TMEM135: variants seen among roughly 807,000 people sequenced by gnomAD.
TMEM135 encodes peroxisomal membrane protein 52.
A neutral mutation model predicts 60.3 loss-of-function variants in TMEM135; 30 were observed. The observed-to-expected ratio is 0.50, with a 90% CI of 0.37 to 0.68. TMEM135 has a LOEUF of 0.68. TMEM135 is among the 30% of genes least tolerant of loss of function. TMEM135 has a pLI of 0.00. For missense variants in TMEM135, 468 were observed against 548.8 expected, an observed-to-expected ratio of 0.85 and a Z score of 1.47; for synonymous variants, 190 against 186.7, an observed-to-expected ratio of 1.02 and a Z score of -0.14.
chr11:87,287,569 C>T (rs999208672), intron 6 of TMEM135, among the ~76,000 whole-genome samples: 5 of 152,158 alleles, frequency 3.3e-5, no homozygotes, highest in East Asian at 1.9e-4. Flanking sequence ...CCCAGCTAGT[C>T]GGGAAGCTGA....
intron 14 of TMEM135, 68 bp from the exon 15 acceptor site, chr11:87,321,133 A>C (rs1297947858): frequency 1.9e-5 from 27 of 1,406,082 alleles, no homozygotes; most frequent in Non-Finnish European, 2.5e-5. Flanking sequence ...AAGATAAGTC[A>C]ACTAAAATGA....
chr11:87,221,018 G>A (rs1940607580), intron 5 of TMEM135, among the ~76,000 whole-genome samples: 1 of 152,098 alleles, frequency 6.6e-6, no homozygotes, highest in South Asian at 2.1e-4. Context: ...CTAAAAAAAA[G>A]ACTGGAAACA....
At chr11:87,259,011 G>A in intron 6 of TMEM135, 1 of 1,524,664 alleles carries the variant, frequency 6.6e-7, no homozygotes, top group Non-Finnish European at 9.1e-7. Flanking sequence ...TAAAGGAAGT[G>A]GTCCCAATCC....
chr11:87,249,159 G>A (rs953009805), intron 6 of TMEM135, among the ~76,000 whole-genome samples: 4 of 152,258 alleles, frequency 2.6e-5, no homozygotes, highest in South Asian at 2.1e-4. Flanking sequence ...GGGCATCCCT[G>A]TTGTGTTCCA....
At chr11:87,087,608 T>A (rs1443350545) in intron 3 of TMEM135, among the ~76,000 whole-genome samples, 1 of 152,236 alleles carries the variant, frequency 6.6e-6, no homozygotes, top group African/African-American at 2.4e-5. Context: ...AGGACCGAGT[T>A]GTTTGCAGAA....
intron 5 of TMEM135, among the ~76,000 whole-genome samples, chr11:87,182,636 T>C (rs478368): frequency 0.13 from 20,184 of 152,160 alleles, 1,398 homozygotes; most frequent in Non-Finnish European, 0.15. Flanking sequence ...GGTACTTTCA[T>C]TTACTACTTT....
chr11:87,206,805 T>A (rs1196548752), intron 5 of TMEM135, among the ~76,000 whole-genome samples: 2 of 152,214 alleles, frequency 1.3e-5, no homozygotes, highest in African/African-American at 4.8e-5. Context: ...GTCTTGTGCA[T>A]ACATTTGATA....
intron 5 of TMEM135, among the ~76,000 whole-genome samples, chr11:87,211,428 A>G (rs1940367026): frequency 1.3e-5 from 2 of 152,210 alleles, no homozygotes; most frequent in East Asian, 1.9e-4. Context: ...TCCACAGGAT[A>G]AAAAGTATAT....
At chr11:87,221,209 C>A (rs1162176855) in intron 5 of TMEM135, among the ~76,000 whole-genome samples, 1 of 152,110 alleles carries the variant, frequency 6.6e-6, no homozygotes, top group African/African-American at 2.4e-5. Context: ...GGCTAAAATA[C>A]CATATGAGGA....
intron 5 of TMEM135, among the ~76,000 whole-genome samples, chr11:87,223,714 G>A (rs1490647632): frequency 6.7e-6 from 1 of 148,880 alleles, no homozygotes; most frequent in Non-Finnish European, 1.5e-5. Context: ...GCTGGGTGTG[G>A]TTGTGTATGC....
At chr11:87,286,563 G>T (rs1273328981) in intron 6 of TMEM135, among the ~76,000 whole-genome samples, 1 of 152,256 alleles carries the variant, frequency 6.6e-6, no homozygotes, top group East Asian at 1.9e-4. Flanking sequence ...GGGGGCCACA[G>T]AGCAGGGGGC....
intron 4 of TMEM135, among the ~76,000 whole-genome samples, chr11:87,119,431 G>A (rs763566635): frequency 3.0e-4 from 46 of 152,196 alleles, no homozygotes; most frequent in Non-Finnish European, 5.4e-4. Flanking sequence ...GGCCAGGCGC[G>A]ATGGCTCATG....
At chr11:87,144,925 CTA>C (rs1938370329) in intron 4 of TMEM135, among the ~76,000 whole-genome samples, 1 of 152,044 alleles carries the variant, frequency 6.6e-6, no homozygotes, top group Admixed American at 6.6e-5. Context: ...GGTAACATAT[CTA>C]TTACCTCAAT....
intron 5 of TMEM135, among the ~76,000 whole-genome samples, chr11:87,225,744 A>C (rs1433817150): frequency 6.6e-6 from 1 of 152,118 alleles, no homozygotes; most frequent in Non-Finnish European, 1.5e-5. Context: ...GGTATAATTG[A>C]AAGCTTCAGT....
intron 5 of TMEM135, among the ~76,000 whole-genome samples, chr11:87,159,345 T>G (rs1938797217): frequency 6.6e-6 from 1 of 152,200 alleles, no homozygotes; most frequent in South Asian, 2.1e-4. Context: ...CTTCACATTT[T>G]AATGTCTCTA....
intron 3 of TMEM135, among the ~76,000 whole-genome samples, chr11:87,085,748 C>A (rs4594023): frequency 0.14 from 21,261 of 152,070 alleles, 1,577 homozygotes; most frequent in Non-Finnish European, 0.16. Flanking sequence ...CAGAGCAAGA[C>A]TGTCTCAAAA....
In TMEM135 at chr11:87,326,403, C is replaced by T. The variant is rs1445662042; in HGVS notation, c.*5070C>T. 6.6e-6 allele frequency: 3 copies of T among 454,058 alleles called. No individual in the cohort carries two copies. Among genetic ancestry groups the T allele is most frequent in the Non-Finnish European group, 1.3e-5 (3 of 226,776 alleles). 28.1% of individuals were successfully genotyped at this position (454,058 alleles called of 1,614,324 possible). A position where few individuals can be genotyped will look rare whatever the true frequency, so the allele number is the denominator to read the frequency against. On this transcript the variant is annotated 3_prime_UTR_variant, in exon 15 of 15. Transcript: ENST00000305494. ...TTTTCGAAGTCTAGTTCTTCAGTGT[C>T]TATTAAACTTTTTCCAGTAGTTAAT...
In TMEM135 at chr11:87,049,708, T is replaced by C. The variant is rs1272131303; in HGVS notation, c.141+11522T>C. ...ACAAAGAGACTTAGACTCCCACACATTAATAATGGGAGACTTTAACACCCC... is the reference window on the plus strand; with the variant it reads ...ACAAAGAGACTTAGACTCCCACACACTAATAATGGGAGACTTTAACACCCC... On this transcript the variant is annotated intron_variant, in intron 1 of 14. Transcript: ENST00000305494. Among the ~76,000 whole-genome samples the C allele has an allele frequency of 1.0e-4, 9 of 88,082 alleles. 1 individual carries two copies. In the East Asian group the frequency reaches 3.8e-3, roughly 37 times the overall value. 57.8% of individuals were successfully genotyped at this position (88,082 alleles called of 152,430 possible). A position where few individuals can be genotyped will look rare whatever the true frequency, so the allele number is the denominator to read the frequency against.
intron 1 of TMEM135, among the ~76,000 whole-genome samples, chr11:87,057,275 G>A (rs1028444118): frequency 6.6e-6 from 1 of 152,152 alleles, no homozygotes; most frequent in Non-Finnish European, 1.5e-5. Context: ...AGGTATGTAA[G>A]GCTTAATGGT....
Sources: gnomAD v4.1 joint callset for allele counts (sites outside exome capture counted in the v4.1 genomes callset) on GRCh38, gnomAD v4.1.1 for gene constraint, MANE v1.5 for transcripts, NCBI Gene and HGNC (gene_info 2026-07-23, HGNC 2026-07-21) for gene names.